Variants in HDAC9 observed in about 807,000 individuals in gnomAD.
HDAC9 encodes histone deacetylase 9, also known as MEF-2 interacting transcription repressor (MITR) protein.
HDAC9 carries 41 observed loss-of-function variants against 139.4 expected under a neutral mutation model. The observed-to-expected ratio is 0.29, with a 90% CI of 0.23 to 0.38. The LOEUF (loss-of-function observed/expected upper bound fraction) is 0.38, where lower values mean the gene tolerates loss of function less well. Among genes scored for constraint, HDAC9 ranks in the 10% least tolerant of loss-of-function variants. HDAC9 has a pLI of 1.00. For synonymous variants in HDAC9, 517 were observed against 476.2 expected (o/e 1.09, Z -1.12); for missense variants, 1,147 against 1,297.0 (o/e 0.88, Z 1.78).
intron 1 of HDAC9, among the ~76,000 whole-genome samples, chr7:18,297,829 C>G (rs1214516800): frequency 6.6e-6 from 1 of 152,186 alleles, no homozygotes; most frequent in Non-Finnish European, 1.5e-5. Flanking sequence ...TACATTTCTT[C>G]ATCTTCACAA....
chr7:18,875,607 T>C (rs924682802), intron 22 of HDAC9, among the ~76,000 whole-genome samples: 1 of 152,200 alleles, frequency 6.6e-6, no homozygotes, highest in African/African-American at 2.4e-5. Flanking sequence ...TTACCCAGGA[T>C]TCTTTGTGCC....
At chr7:18,588,272 A>G (rs974436745) in intron 3 of HDAC9, among the ~76,000 whole-genome samples, 5 of 152,280 alleles carry the variant, frequency 3.3e-5, no homozygotes, top group African/African-American at 1.2e-4. Context: ...AATGTAAAAA[A>G]CAAAATTTAC....
intron 2 of HDAC9, among the ~76,000 whole-genome samples, chr7:18,572,349 A>G (rs1352707793): frequency 2.0e-5 from 3 of 151,176 alleles, no homozygotes; most frequent in African/African-American, 7.3e-5. Context: ...TATTTGTCAT[A>G]TTCAAATATG....
At chr7:18,753,022 G>C (rs1788578863) in intron 14 of HDAC9, among the ~76,000 whole-genome samples, 1 of 152,068 alleles carries the variant, frequency 6.6e-6, no homozygotes, top group South Asian at 2.1e-4. Flanking sequence ...ACCACACGTT[G>C]AAAACAGTGA....
At chr7:18,580,726 T>G (rs146183123) in intron 2 of HDAC9, among the ~76,000 whole-genome samples, 1 of 152,204 alleles carries the variant, frequency 6.6e-6, no homozygotes, top group Non-Finnish European at 1.5e-5. Flanking sequence ...AGGAATGTTG[T>G]GAACAGAGAT....
At chr7:18,169,278 T>C (rs1175380426) in intron 2 of HDAC9, among the ~76,000 whole-genome samples, 1 of 152,094 alleles carries the variant, frequency 6.6e-6, no homozygotes, top group Non-Finnish European at 1.5e-5. Context: ...GTACTTGTTT[T>C]TCTTACATAC....
chr7:18,313,784 C>T (rs1420248069), intron 1 of HDAC9, among the ~76,000 whole-genome samples: 1 of 152,150 alleles, frequency 6.6e-6, no homozygotes, highest in Admixed American at 6.5e-5. Flanking sequence ...ATGTGGGCTG[C>T]ATTCTACTTA....
intron 2 of HDAC9, among the ~76,000 whole-genome samples, chr7:18,514,085 T>C (rs1802425569): frequency 6.6e-6 from 1 of 152,242 alleles, no homozygotes; most frequent in South Asian, 2.1e-4. Context: ...TTATGACTTA[T>C]CTAGCTTAGT....
At chr7:18,153,737 G>A (rs936900634) in intron 1 of HDAC9, among the ~76,000 whole-genome samples, 1 of 152,186 alleles carries the variant, frequency 6.6e-6, no homozygotes, top group African/African-American at 2.4e-5. Context: ...CAGATGGAGG[G>A]ATAAGGAGTA....
intron 21 of HDAC9, 147 bp from the exon 22 acceptor site, chr7:18,874,331 C>A: frequency 1.8e-5 from 8 of 441,848 alleles, no homozygotes; most frequent in South Asian, 1.2e-4. Flanking sequence ...GGAAATGATA[C>A]GCTTTTGTCC....
chr7:18,633,424 C>T (rs1460519747), intron 7 of HDAC9, among the ~76,000 whole-genome samples: 1 of 152,042 alleles, frequency 6.6e-6, no homozygotes, highest in Non-Finnish European at 1.5e-5. Context: ...GGGGCAATTC[C>T]AGTGTAGGAG....
At chr7:18,182,125 C>G (rs762542781) in intron 2 of HDAC9, among the ~76,000 whole-genome samples, 1 of 152,160 alleles carries the variant, frequency 6.6e-6, no homozygotes, top group African/African-American at 2.4e-5. Context: ...GGCACCAATT[C>G]TCTCTCCTTT....
At chr7:18,385,335 T>G (rs547324026) in intron 1 of HDAC9, among the ~76,000 whole-genome samples, 2 of 152,114 alleles carry the variant, frequency 1.3e-5, no homozygotes, top group Non-Finnish European at 2.9e-5. Context: ...TGTGTGCTTC[T>G]AAAATCATAT....
intron 2 of HDAC9, among the ~76,000 whole-genome samples, chr7:18,576,985 T>C (rs926131019): frequency 1.3e-5 from 2 of 152,180 alleles, no homozygotes; most frequent in African/African-American, 4.8e-5. Flanking sequence ...AGTTTCCCAT[T>C]CCATGACATA....
chr7:18,850,664 T>C (rs1229182511), intron 21 of HDAC9, among the ~76,000 whole-genome samples: 2 of 152,172 alleles, frequency 1.3e-5, no homozygotes, highest in African/African-American at 2.4e-5. Flanking sequence ...TAATTCAAAA[T>C]GGGAAACCGA....
intron 1 of HDAC9, among the ~76,000 whole-genome samples, chr7:18,451,261 C>T (rs1792794043): frequency 6.6e-6 from 1 of 152,048 alleles, no homozygotes; most frequent in African/African-American, 2.4e-5. Context: ...TTCTGGACTT[C>T]CCAGCCCCCA....
intron 1 of HDAC9, among the ~76,000 whole-genome samples, chr7:18,304,474 A>C (rs1026695015): frequency 6.6e-6 from 1 of 152,202 alleles, no homozygotes; most frequent in Non-Finnish European, 1.5e-5. Context: ...CTTAGCAAGC[A>C]TCATGGAGCC....
intron 1 of HDAC9, among the ~76,000 whole-genome samples, chr7:18,298,398 C>G (rs1032531488): frequency 3.9e-5 from 6 of 151,906 alleles, no homozygotes; most frequent in African/African-American, 1.2e-4. Flanking sequence ...AACTCGTCAT[C>G]TAGCATTAGG....
At chr7:18,993,083 C>G (rs1786122696) in intron 25 of HDAC9, among the ~76,000 whole-genome samples, 1 of 149,488 alleles carries the variant, frequency 6.7e-6, no homozygotes, top group African/African-American at 2.5e-5. Context: ...CATCACTCAC[C>G]AGATATCTTT....
Sources: gnomAD v4.1 joint callset for allele counts (sites outside exome capture counted in the v4.1 genomes callset) on GRCh38, gnomAD v4.1.1 for gene constraint, MANE v1.5 for transcripts, NCBI Gene and HGNC (gene_info 2026-07-23, HGNC 2026-07-21) for gene names.